Variants in GALNT10 observed in about 807,000 individuals in gnomAD.
GALNT10 encodes the protein GalNAc transferase 10.
Under a neutral mutation model 75.0 loss-of-function variants are expected in GALNT10, and 41 were observed. That is an observed-to-expected ratio of 0.55 (90% CI 0.43 to 0.71). GALNT10 has a LOEUF of 0.71. Ranked by LOEUF, GALNT10 falls within the 30% of genes least tolerant of loss-of-function variation. The pLI, the probability that GALNT10 is intolerant of heterozygous loss-of-function variation, is 0.00. For missense variants in GALNT10, 727 were observed against 818.5 expected, an observed-to-expected ratio of 0.89 and a Z score of 1.36; for synonymous variants, 302 against 313.0, an observed-to-expected ratio of 0.96 and a Z score of 0.37.
At chr5:154,379,772 C>T (rs912938815) in intron 5 of GALNT10, among the ~76,000 whole-genome samples, 4 of 152,228 alleles carry the variant, frequency 2.6e-5, no homozygotes, top group Admixed American at 1.3e-4. Context: ...CTATGGCATC[C>T]CTGCAGGGTG....
chr5:154,419,097 T>C lies in GALNT10; in HGVS notation c.*2125T>C, dbSNP rs1463578502. The C allele has an allele frequency of 1.3e-5, 2 of 151,946 alleles. No individual in the cohort carries two copies. The highest frequency in any genetic ancestry group is 2.4e-5 in the African/African-American group (1 of 41,208). 9.4% of individuals were successfully genotyped at this position (151,946 alleles called of 1,614,324 possible). A position where few individuals can be genotyped will look rare whatever the true frequency, so the allele number is the denominator to read the frequency against. ...AGGGTTGTGGGGAGGGGAACGTTTTTGGTGGTGTGTGCAGTTCCTACTGGA... is the reference window on the plus strand; with the variant it reads ...AGGGTTGTGGGGAGGGGAACGTTTTCGGTGGTGTGTGCAGTTCCTACTGGA... On this transcript the variant is annotated 3_prime_UTR_variant, in exon 12 of 12. Coordinates refer to ENST00000297107, the MANE Select transcript of GALNT10 (RefSeq NM_198321.4).
At chr5:154,261,774 T>C (rs185542135) in intron 1 of GALNT10, among the ~76,000 whole-genome samples, 98 of 152,350 alleles carry the variant, frequency 6.4e-4, no homozygotes, top group Admixed American at 3.7e-3. Context: ...CCCTGCCCAG[T>C]TGAAAGCTCA....
chr5:154,394,599 A>G (rs1388816882), intron 7 of GALNT10, among the ~76,000 whole-genome samples: 2 of 152,148 alleles, frequency 1.3e-5, no homozygotes, highest in Non-Finnish European at 2.9e-5. Context: ...TATCCAGTCT[A>G]AAGAGAGGCC....
At chr5:154,280,954 A>G (rs1278318631) in intron 1 of GALNT10, among the ~76,000 whole-genome samples, 1 of 151,986 alleles carries the variant, frequency 6.6e-6, no homozygotes, top group African/African-American at 2.4e-5. Context: ...TGAGCTGTCC[A>G]CTCCATTGAT....
chr5:154,337,380 T>C (rs980331864), intron 4 of GALNT10: 6 of 560,914 alleles, frequency 1.1e-5, no homozygotes, highest in African/African-American at 5.6e-5. Flanking sequence ...TGTGCTTGGC[T>C]GAGTTCACAA....
chr5:154,200,142 T>C (rs575924633), intron 1 of GALNT10, among the ~76,000 whole-genome samples: 2 of 152,278 alleles, frequency 1.3e-5, no homozygotes, highest in South Asian at 2.1e-4. Flanking sequence ...AGGTTATCAC[T>C]GAGACCCCCA....
intron 5 of GALNT10, among the ~76,000 whole-genome samples, chr5:154,379,571 T>A (rs1172004820): frequency 1.3e-5 from 2 of 152,154 alleles, no homozygotes; most frequent in Non-Finnish European, 2.9e-5. Flanking sequence ...TCTGACCCAG[T>A]AGCTCACTGT....
chr5:154,418,278 A>G lies in GALNT10; in HGVS notation c.*1306A>G, dbSNP rs3776998. 12,995 of 152,290 alleles carry G rather than the reference A, an allele frequency of 0.085. 803 individuals are homozygous for G. The highest frequency in any genetic ancestry group is 0.26 in the East Asian group (1,332 of 5,170). The allele number at this position is 152,290 out of a possible 1,614,324, so 9.4% of individuals were successfully genotyped here. Reference sequence around the variant, plus strand: ...TGCACCCCTGGAACCTCCCACCATCATCACAACTGTAGTCTCATTTGCAGT... The same window carrying G: ...TGCACCCCTGGAACCTCCCACCATCGTCACAACTGTAGTCTCATTTGCAGT... On this transcript the variant is annotated 3_prime_UTR_variant, in exon 12 of 12. Coordinates refer to ENST00000297107, the MANE Select transcript of GALNT10 (RefSeq NM_198321.4).
intron 1 of GALNT10, among the ~76,000 whole-genome samples, chr5:154,218,427 A>G (rs887595461): frequency 6.6e-6 from 1 of 152,204 alleles, no homozygotes; most frequent in Non-Finnish European, 1.5e-5. Context: ...ACCTTGTACC[A>G]GTCGCTCAAG....
At chr5:154,272,342 G>T (rs1038226512) in intron 1 of GALNT10, among the ~76,000 whole-genome samples, 4 of 152,212 alleles carry the variant, frequency 2.6e-5, no homozygotes, top group Admixed American at 2.6e-4. Flanking sequence ...ATGGCAGGGA[G>T]TCTGTGCCAC....
Position 154,416,014 on chromosome 5 carries a change from G to C in GALNT10, c.1653+82G>C. On this transcript the variant is annotated intron_variant, in intron 11 of 11. Coordinates refer to ENST00000297107, the MANE Select transcript of GALNT10 (RefSeq NM_198321.4). The surrounding 1 kb of genome is among the most constrained non-coding windows in gnomAD (Gnocchi z 4.5). ...CAGTGCTTCACCCCTTCTTTCAACAGAGCCCATCCACTTATTCATTTGTGC... is the reference window on the plus strand; with the variant it reads ...CAGTGCTTCACCCCTTCTTTCAACACAGCCCATCCACTTATTCATTTGTGC... 2.3e-6 allele frequency: 3 copies of C among 1,278,612 alleles called. No homozygotes were observed. The highest frequency in any genetic ancestry group is 3.3e-6 in the Non-Finnish European group (3 of 907,802). The allele number at this position is 1,278,612 out of a possible 1,614,324, so 79.2% of individuals were successfully genotyped here.
intron 1 of GALNT10, among the ~76,000 whole-genome samples, chr5:154,193,980 A>C (rs960124366): frequency 2.0e-5 from 3 of 152,334 alleles, no homozygotes; most frequent in African/African-American, 4.8e-5. Context: ...AGCCTTGAAG[A>C]CATCTTCCTT....
chr5:154,199,699 A>G lies in GALNT10; in HGVS notation c.159+8674A>G, dbSNP rs186543484. 2.2e-3 allele frequency among the ~76,000 whole-genome samples: 336 copies of G among 152,226 alleles called. 1 individual carries two copies. Among genetic ancestry groups the G allele is most frequent in the Non-Finnish European group, 3.6e-3 (243 of 68,004 alleles). ...TGCCTCTACGTGGGTGTTGGGCTGA[A>G]CTAGGGGGTCTCTTGGGAAGGGTTA... On this transcript the variant is annotated intron_variant, in intron 1 of 11. Coordinates refer to ENST00000297107, the MANE Select transcript of GALNT10 (RefSeq NM_198321.4).
At chr5:154,246,581 G>A (rs1339288227) in intron 1 of GALNT10, among the ~76,000 whole-genome samples, 1 of 152,148 alleles carries the variant, frequency 6.6e-6, no homozygotes, top group Non-Finnish European at 1.5e-5. Context: ...ATTTTTTAAT[G>A]TGCCTTTTGG....
chr5:154,251,881 G>A (rs1282087271), intron 1 of GALNT10, among the ~76,000 whole-genome samples: 2 of 152,074 alleles, frequency 1.3e-5, no homozygotes, highest in East Asian at 3.8e-4. Flanking sequence ...TTGGACAGGG[G>A]GAGGAGATTA....
intron 3 of GALNT10, among the ~76,000 whole-genome samples, chr5:154,316,794 G>A (rs185786463): frequency 3.7e-4 from 57 of 152,286 alleles, no homozygotes; most frequent in Admixed American, 8.5e-4. Flanking sequence ...GTCATGAGCT[G>A]GCCAAAGCCT....
At position 154,256,345 on chromosome 5, in the gene GALNT10, TTGTTTTTG is replaced by T. The variant is rs1412549824; in HGVS notation, c.160-38469_160-38462del. Among the ~76,000 whole-genome samples, 34 of 27,866 alleles carry T rather than the reference TTGTTTTTG, an allele frequency of 1.2e-3. 1 individual carries two copies. Among genetic ancestry groups the T allele is most frequent in the South Asian group, 8.3e-3 (8 of 968 alleles). The allele number at this position is 27,866 out of a possible 152,430, so 18.3% of individuals were successfully genotyped here. ...TTTCTGGATTTTTAAACAGAGGCTG[TTGTTTTTG>T]TTTTTTTTTTTTTAATATTGTGTGT... On this transcript the variant is annotated intron_variant, in intron 1 of 11. Coordinates refer to ENST00000297107, the MANE Select transcript of GALNT10 (RefSeq NM_198321.4).
intron 4 of GALNT10, among the ~76,000 whole-genome samples, chr5:154,360,862 T>C (rs1755375098): frequency 6.6e-6 from 1 of 152,272 alleles, no homozygotes; most frequent in Non-Finnish European, 1.5e-5. Flanking sequence ...TGAAATGTTT[T>C]AGAGATTTAA....
chr5:154,314,874 T>C (rs2113099840), intron 3 of GALNT10, among the ~76,000 whole-genome samples: 1 of 152,016 alleles, frequency 6.6e-6, no homozygotes, highest in South Asian at 2.1e-4. Flanking sequence ...AGACTGAAAT[T>C]GCTGAAGAGT....
Sources: gnomAD v4.1 joint callset for allele counts (sites outside exome capture counted in the v4.1 genomes callset) on GRCh38, gnomAD v4.1.1 for gene constraint, Gnocchi (gnomAD v3.1) non-coding constraint, MANE v1.5 for transcripts, NCBI Gene and HGNC (gene_info 2026-07-23, HGNC 2026-07-21) for gene names.